KATNAL1: variants seen among roughly 807,000 people sequenced by gnomAD.
The protein encoded by KATNAL1 is katanin p60 ATPase-containing subunit A-like 1.
Under a neutral mutation model 55.2 loss-of-function variants are expected in KATNAL1, and 32 were observed. The observed-to-expected ratio is 0.58, with a 90% CI of 0.44 to 0.78. The LOEUF (loss-of-function observed/expected upper bound fraction) is 0.78. Ranked by LOEUF, KATNAL1 falls within the 30% of genes least tolerant of loss-of-function variation. The pLI is 0.00. For synonymous variants in KATNAL1, 193 were observed against 193.6 expected (o/e 1.00, Z 0.02); for missense variants, 466 against 600.9 (o/e 0.78, Z 2.35).
At chr13:30,233,619 A>T (rs944242558) in intron 6 of KATNAL1, among the ~76,000 whole-genome samples, 1 of 151,984 alleles carries the variant, frequency 6.6e-6, no homozygotes, top group South Asian at 2.1e-4. Flanking sequence ...AAAGAAATCG[A>T]TATGTCGAAG....
chr13:30,255,636 A>AG, intron 3 of KATNAL1, 21 bp from the exon 4 acceptor site: 1 of 1,319,714 alleles, frequency 7.6e-7, no homozygotes, highest in Non-Finnish European at 9.8e-7. Context: ...AAAAAAAAAA[A>AG]AAATTAAAAT....
At chr13:30,300,950 G>T (rs973231863) in intron 1 of KATNAL1, among the ~76,000 whole-genome samples, 1 of 152,108 alleles carries the variant, frequency 6.6e-6, no homozygotes, top group South Asian at 2.1e-4. Context: ...GAGCTTAAAC[G>T]TTTCTCAAAA....
At chr13:30,222,005 T>A (rs1013359928) in intron 9 of KATNAL1, among the ~76,000 whole-genome samples, 3 of 152,060 alleles carry the variant, frequency 2.0e-5, no homozygotes, top group African/African-American at 7.2e-5. Flanking sequence ...GAGGTAAGAT[T>A]GCGCCATTGC....
At chr13:30,214,256 C>T (rs1171922941) in intron 9 of KATNAL1, among the ~76,000 whole-genome samples, 1 of 152,170 alleles carries the variant, frequency 6.6e-6, no homozygotes, top group Non-Finnish European at 1.5e-5. Context: ...CAAACCACTC[C>T]TCAATGAAAT....
intron 9 of KATNAL1, among the ~76,000 whole-genome samples, chr13:30,213,063 C>T (rs1873846619): frequency 1.3e-5 from 2 of 151,484 alleles, no homozygotes; most frequent in African/African-American, 4.9e-5. Context: ...GTGCAACCAC[C>T]CTGCCTACAC....
intron 9 of KATNAL1, among the ~76,000 whole-genome samples, chr13:30,216,994 AAACCTG>A (rs1874330602): frequency 6.6e-6 from 1 of 152,176 alleles, no homozygotes; most frequent in African/African-American, 2.4e-5. Context: ...GAACATACAT[AAACCTG>A]TTCGTAAGTG....
chr13:30,293,106 C>A (rs1266187185), intron 1 of KATNAL1, among the ~76,000 whole-genome samples: 1 of 151,992 alleles, frequency 6.6e-6, no homozygotes, highest in Admixed American at 6.5e-5. Flanking sequence ...ATTAAAATTT[C>A]TTTCCTGAAT....
At chr13:30,226,708 G>A (rs189493497) in intron 9 of KATNAL1, among the ~76,000 whole-genome samples, 58 of 152,280 alleles carry the variant, frequency 3.8e-4, no homozygotes, top group Admixed American at 3.1e-3. Flanking sequence ...ACATTTCATT[G>A]TATGTAAATT....
intron 3 of KATNAL1, among the ~76,000 whole-genome samples, chr13:30,268,932 A>T (rs1049619956): frequency 6.6e-6 from 1 of 152,234 alleles, no homozygotes; most frequent in African/African-American, 2.4e-5. Context: ...GCAAACAAAT[A>T]AAAGGCCCTG....
Position 30,249,788 on chromosome 13 carries a change from C to A in KATNAL1, c.492+5659G>T, listed in dbSNP as rs147990460. Among the ~76,000 whole-genome samples, 65 of 152,194 alleles carry A rather than the reference C, an allele frequency of 4.3e-4. 1 individual carries two copies. In the East Asian group the frequency reaches 0.012, roughly 29 times the overall value. On this transcript the variant is annotated intron_variant, in intron 4 of 10. Coordinates refer to ENST00000380615, the MANE Select transcript of KATNAL1 (RefSeq NM_032116.5). ...AGGTGCCAAATGTTCGATTTCTTGA[C>A]CCCAGAGCTGATGGTTACATTGAAT... is the stretch of plus-strand genomic sequence containing the variant.
intron 4 of KATNAL1, among the ~76,000 whole-genome samples, chr13:30,250,371 G>C (rs1333773744): frequency 6.6e-6 from 1 of 152,126 alleles, no homozygotes; most frequent in African/African-American, 2.4e-5. Context: ...TAAAGCTCTA[G>C]CATGTTTTTA....
intron 3 of KATNAL1, among the ~76,000 whole-genome samples, chr13:30,260,585 G>A (rs1175835039): frequency 6.6e-6 from 1 of 152,146 alleles, no homozygotes; most frequent in Non-Finnish European, 1.5e-5. Context: ...AGAAGCCTCA[G>A]GAGCCGATGA....
intron 1 of KATNAL1, chr13:30,296,331 C>T: frequency 8.7e-7 from 1 of 1,145,442 alleles, no homozygotes; most frequent in Non-Finnish European, 1.3e-6. Flanking sequence ...AGCAGCCATG[C>T]CGAGGACTTC....
At chr13:30,299,072 C>T (rs1222661028) in intron 1 of KATNAL1, among the ~76,000 whole-genome samples, 1 of 152,034 alleles carries the variant, frequency 6.6e-6, no homozygotes, top group Non-Finnish European at 1.5e-5. Flanking sequence ...ATATTGACAG[C>T]TAACTTTTCA....
intron 4 of KATNAL1, among the ~76,000 whole-genome samples, chr13:30,242,390 A>G (rs1877364997): frequency 6.6e-6 from 1 of 152,216 alleles, no homozygotes; most frequent in African/African-American, 2.4e-5. Flanking sequence ...TTTTAAAAAC[A>G]GTAAATATTT....
In KATNAL1 at chr13:30,205,099, C is replaced by A. The variant is rs192884977; in HGVS notation, c.*3441G>T. The A allele has an allele frequency of 1.3e-5, 2 of 152,146 alleles. No homozygotes were observed. Among genetic ancestry groups the A allele is most frequent in the Non-Finnish European group, 2.9e-5 (2 of 68,038 alleles). 9.4% of individuals were successfully genotyped at this position (152,146 alleles called of 1,614,324 possible). On this transcript the variant is annotated 3_prime_UTR_variant, in exon 11 of 11. Transcript: ENST00000380615. Reference sequence around the variant, plus strand: ...CATTAAAATAGATCCATAATAGTTACACATTATTCAAATAAATGTATATCA... The same window carrying A: ...CATTAAAATAGATCCATAATAGTTAAACATTATTCAAATAAATGTATATCA...
In KATNAL1 at chr13:30,204,613, G is replaced by A. The variant is rs1872945662; in HGVS notation, c.*3927C>T. 1 of 152,192 alleles carries A rather than the reference G, an allele frequency of 6.6e-6. No individual in the cohort carries two copies. The highest frequency in any genetic ancestry group is 1.5e-5 in the Non-Finnish European group (1 of 68,026). 9.4% of individuals were successfully genotyped at this position (152,192 alleles called of 1,614,324 possible). On this transcript the variant is annotated 3_prime_UTR_variant, in exon 11 of 11. Coordinates refer to ENST00000380615, the MANE Select transcript of KATNAL1 (RefSeq NM_032116.5). The stretch of plus-strand genomic sequence containing the variant: ...ACAGAGTCAGGCTATACAAAACAAA[G>A]TCAAAGAATGACAATCATACTGTAA...
chr13:30,295,501 C>T (rs1409951873), intron 1 of KATNAL1, among the ~76,000 whole-genome samples: 3 of 152,154 alleles, frequency 2.0e-5, no homozygotes, highest in Non-Finnish European at 4.4e-5. Context: ...CAGTGGCTCA[C>T]ACCCGTAATC....
chr13:30,272,976 T>C (rs986987876), intron 3 of KATNAL1, among the ~76,000 whole-genome samples: 4 of 152,170 alleles, frequency 2.6e-5, no homozygotes, highest in African/African-American at 9.7e-5. Flanking sequence ...CACCCTTACA[T>C]ACCCCTGCCT....
Sources: gnomAD v4.1 joint callset for allele counts (sites outside exome capture counted in the v4.1 genomes callset) on GRCh38, gnomAD v4.1.1 for gene constraint, MANE v1.5 for transcripts, NCBI Gene and HGNC (gene_info 2026-07-23, HGNC 2026-07-21) for gene names.